Variants in CACNA1D observed in about 807,000 individuals in gnomAD.
CACNA1D encodes the protein calcium voltage-gated channel subunit alpha1 D, also known as voltage-dependent L-type calcium channel subunit alpha-1D.
CACNA1D carries 55 observed loss-of-function variants against 257.1 expected under a neutral mutation model. The observed-to-expected ratio is 0.21, with a 90% CI of 0.17 to 0.27. The LOEUF is 0.27. CACNA1D is among the 10% of genes least tolerant of loss of function. The probability of loss-of-function intolerance (pLI) is 1.00; values close to 1 mark genes in which losing one functional copy is unlikely to be tolerated. For synonymous variants in CACNA1D, 980 were observed against 1,014.9 expected, an observed-to-expected ratio of 0.97 and a Z score of 0.65; for missense variants, 1,876 against 2,784.0, an observed-to-expected ratio of 0.67 and a Z score of 7.34.
chr3:53,736,864 G>A (rs1189300370), intron 20 of CACNA1D, among the ~76,000 whole-genome samples: 1 of 151,416 alleles, frequency 6.6e-6, no homozygotes, highest in African/African-American at 2.4e-5. Context: ...TTCCAGCCTG[G>A]GTGACAGAGC....
rs1050949213 is a variant in CACNA1D, at chr3:53,572,576, T to G, written c.483+70856T>G. ...CACCATGCCCAGCTAATTTTTGTATTTTTTATAGAGACAAGGCTTCACCGT... is the reference window on the plus strand; with the variant it reads ...CACCATGCCCAGCTAATTTTTGTATGTTTTATAGAGACAAGGCTTCACCGT... On this transcript the variant is annotated intron_variant, in intron 3 of 47. Transcript: ENST00000350061. 3.9e-5 allele frequency among the ~76,000 whole-genome samples: 6 copies of G among 152,050 alleles called. No individual in the cohort carries two copies. In the East Asian group the frequency reaches 1.2e-3, roughly 29 times the overall value.
Position 53,743,092 on chromosome 3 carries a change from G to T in CACNA1D, c.2893G>T (p.Val965Leu). The change falls in exon 22 of 48, where the codon GTG becomes TTG. Residue 965 changes from valine to leucine, a missense_variant. Transcript: ENST00000350061. ...FNLLDMLVVG[V>L]SLVSFGIQSS... ...TTTGCTGGATATGCTGGTGGTTGGG[G>T]TGTCTCTGGTGTCATTTGGGATTCA... 6.2e-7 allele frequency: 1 copy of T among 1,612,842 alleles called. No individual in the cohort carries two copies. The highest frequency in any genetic ancestry group is 2.2e-5 in the East Asian group (1 of 44,866).
intron 29 of CACNA1D, among the ~76,000 whole-genome samples, chr3:53,755,744 G>T (rs1323199011): frequency 2.0e-5 from 3 of 151,984 alleles, no homozygotes; most frequent in African/African-American, 7.2e-5. Flanking sequence ...TCGTGTGCCG[G>T]GATGAGTGGG....
intron 40 of CACNA1D, chr3:53,790,966 A>AT (rs1158864601): frequency 1.4e-6 from 1 of 702,250 alleles, no homozygotes; most frequent in South Asian, 1.5e-5. Context: ...TCACTGGCTG[A>AT]TTCGTTTGTT....
At chr3:53,733,999 CAT>C (rs1257472510) in intron 19 of CACNA1D, among the ~76,000 whole-genome samples, 2,283 of 97,436 alleles carry the variant, frequency 0.023, 11 homozygotes, top group African/African-American at 0.037. Flanking sequence ...TATACATATA[CAT>C]ATATATATGT....
At chr3:53,564,375 G>T (rs1272109617) in intron 3 of CACNA1D, among the ~76,000 whole-genome samples, 2 of 152,116 alleles carry the variant, frequency 1.3e-5, no homozygotes, top group Non-Finnish European at 2.9e-5. Flanking sequence ...TGGCCAGGCT[G>T]GTCTCGAACT....
At chr3:53,718,853 C>T (rs554765174) in intron 10 of CACNA1D, 1 of 932,708 alleles carries the variant, frequency 1.1e-6, no homozygotes, top group Non-Finnish European at 1.6e-6. Context: ...TTTTCCTTTG[C>T]TCATGGGACC....
chr3:53,570,966 G>T (rs1490150480), intron 3 of CACNA1D, among the ~76,000 whole-genome samples: 1 of 152,216 alleles, frequency 6.6e-6, no homozygotes, highest in Non-Finnish European at 1.5e-5. Context: ...TGGCTCTCAG[G>T]CCAGTCCACA....
intron 15 of CACNA1D, among the ~76,000 whole-genome samples, chr3:53,727,915 A>G (rs1478257602): frequency 6.6e-6 from 1 of 151,952 alleles, no homozygotes; most frequent in Non-Finnish European, 1.5e-5. Flanking sequence ...CCTTTTCTAC[A>G]AGGACAATGC....
rs1243320006 is a variant in CACNA1D at position 53,789,797 on chromosome 3, C to G, written c.4923+2845C>G. Among the ~76,000 whole-genome samples the G allele has an allele frequency of 6.6e-6, 1 of 152,200 alleles. No individual in the cohort carries two copies. Among genetic ancestry groups the G allele is most frequent in the Admixed American group, 6.5e-5 (1 of 15,282 alleles). On this transcript the variant is annotated intron_variant, in intron 40 of 47. Coordinates refer to ENST00000350061, the MANE Select transcript of CACNA1D (RefSeq NM_001128840.3). This position sits in a 1 kb window ranked among gnomAD's most constrained non-coding sequence, Gnocchi z 4.2. ...GGATGGGCCCAAGACCTCTGCGCCCCCACCCCCAGGGAATGTTTTTTCAAG... is the reference window on the plus strand; with the variant it reads ...GGATGGGCCCAAGACCTCTGCGCCCGCACCCCCAGGGAATGTTTTTTCAAG...
chr3:53,648,997 G>C (rs2094056268), intron 3 of CACNA1D, among the ~76,000 whole-genome samples: 1 of 152,202 alleles, frequency 6.6e-6, no homozygotes, highest in African/African-American at 2.4e-5. Context: ...GTGAAGAGTG[G>C]AGAATGGGGG....
At chr3:53,524,958 A>AGCAGT (rs1237002439) in intron 3 of CACNA1D, among the ~76,000 whole-genome samples, 2 of 152,286 alleles carry the variant, frequency 1.3e-5, no homozygotes, top group East Asian at 3.9e-4. Context: ...CGTGGCCTGG[A>AGCAGT]GCAGTGGGGA....
intron 30 of CACNA1D, among the ~76,000 whole-genome samples, chr3:53,767,700 G>A (rs986638929): frequency 1.3e-5 from 2 of 152,338 alleles, no homozygotes; most frequent in East Asian, 3.9e-4. Flanking sequence ...TTAGTGTTCA[G>A]GCTAGTATGA....
intron 8 of CACNA1D, among the ~76,000 whole-genome samples, chr3:53,700,162 G>A (rs962152096): frequency 2.0e-5 from 3 of 150,194 alleles, no homozygotes; most frequent in Admixed American, 6.6e-5. Context: ...TAAAATGAAT[G>A]TCCTTAAGCT....
In CACNA1D at chr3:53,782,264, G is replaced by GTGTGTATATATATATATATA. The variant is rs6147823; in HGVS notation, c.4792+598_4792+599insGTGTATATATATATATATAT. 86 of 75,434 alleles carry GTGTGTATATATATATATATA rather than the reference G, an allele frequency of 1.1e-3. 1 individual carries two copies. The highest frequency in any genetic ancestry group is 3.5e-3 in the African/African-American group (55 of 15,866). The allele number at this position is 75,434 out of a possible 1,614,324, so 4.7% of individuals were successfully genotyped here. On this transcript the variant is annotated intron_variant, in intron 39 of 47. Coordinates refer to ENST00000350061, the MANE Select transcript of CACNA1D (RefSeq NM_001128840.3). ...AGTGTGTGTGTGTGTGTGTGTGTGT[G>GTGTGTATATATATATATATA]TATATATATATATATATATATATAT...
chr3:53,508,426 G>A (rs2090954854), intron 3 of CACNA1D, among the ~76,000 whole-genome samples: 1 of 152,040 alleles, frequency 6.6e-6, no homozygotes, highest in Non-Finnish European at 1.5e-5. Flanking sequence ...CATCACCCAG[G>A]TATTAAGCCT....
intron 9 of CACNA1D, among the ~76,000 whole-genome samples, chr3:53,711,845 G>A (rs1289798792): frequency 1.3e-5 from 2 of 152,230 alleles, no homozygotes; most frequent in African/African-American, 2.4e-5. Context: ...GACCCCAAAG[G>A]AGGGAGAAGA....
At chr3:53,672,738 G>T (rs1477858775) in intron 7 of CACNA1D, among the ~76,000 whole-genome samples, 2 of 145,564 alleles carry the variant, frequency 1.4e-5, no homozygotes, top group African/African-American at 5.2e-5. Flanking sequence ...CTATTATTCG[G>T]CCTGAAAGCC....
At chr3:53,761,906 T>C in intron 29 of CACNA1D, 92 bp from the exon 30 acceptor site, 1 of 874,140 alleles carries the variant, frequency 1.1e-6, no homozygotes, top group Non-Finnish European at 2.0e-6. Flanking sequence ...GTGCCATGGG[T>C]GCGGCAGGGA....
Sources: gnomAD v4.1 joint callset for allele counts (sites outside exome capture counted in the v4.1 genomes callset) on GRCh38, gnomAD v4.1.1 for gene constraint, Gnocchi (gnomAD v3.1) non-coding constraint, MANE v1.5 for transcripts, NCBI Gene and HGNC (gene_info 2026-07-23, HGNC 2026-07-21) for gene names.